FRMD4B: variants seen among roughly 807,000 people sequenced by gnomAD.
The protein encoded by FRMD4B is FERM domain containing 4B, also known as FERM domain-containing protein 4B.
Under a neutral mutation model 141.5 loss-of-function variants are expected in FRMD4B, and 74 were observed. That is an observed-to-expected ratio of 0.52 (90% confidence interval 0.43 to 0.63). The LOEUF (loss-of-function observed/expected upper bound fraction) is 0.63. FRMD4B is among the 30% of genes least tolerant of loss of function. The pLI is 0.00. For missense variants in FRMD4B, 1,366 were observed against 1,253.4 expected (o/e 1.09, Z -1.36); for synonymous variants, 506 against 467.9 (o/e 1.08, Z -1.05).
chr3:69,470,475 G>C (rs1705868736), intron 1 of FRMD4B, among the ~76,000 whole-genome samples: 1 of 151,868 alleles, frequency 6.6e-6, no homozygotes, highest in South Asian at 2.1e-4. Context: ...GGTGGTCTTT[G>C]GTATGTCCAA....
Position 69,487,085 on chromosome 3 carries a change from C to A in FRMD4B, c.-128-54324G>T, listed in dbSNP as rs1016515520. Among the ~76,000 whole-genome samples the A allele has an allele frequency of 3.3e-5, 5 of 152,124 alleles. No homozygotes were observed. The East Asian group carries it at 9.6e-4, about 29-fold the overall frequency. On this transcript the variant is annotated intron_variant, in intron 1 of 5. Transcript: ENST00000459638. Reference sequence around the variant, plus strand: ...CTATAACCAGATATACTCTTACACCCAAACCTTGATGTGATTTCTGAACAA... The same window carrying A: ...CTATAACCAGATATACTCTTACACCAAAACCTTGATGTGATTTCTGAACAA...
At chr3:69,224,846 A>G (rs1432220859) in intron 7 of FRMD4B, among the ~76,000 whole-genome samples, 156 bp from the exon 8 acceptor site, 2 of 152,246 alleles carry the variant, frequency 1.3e-5, no homozygotes, top group Non-Finnish European at 2.9e-5. Flanking sequence ...CAGCCCCCAA[A>G]TTTAACAACT....
intron 19 of FRMD4B, among the ~76,000 whole-genome samples, chr3:69,185,516 A>T (rs1341106658): frequency 6.6e-6 from 1 of 152,072 alleles, no homozygotes; most frequent in Non-Finnish European, 1.5e-5. Flanking sequence ...ATGTTCACTG[A>T]AATCAGATCA....
intron 1 of FRMD4B, among the ~76,000 whole-genome samples, chr3:69,355,065 G>C (rs1703273692): frequency 6.6e-6 from 1 of 151,628 alleles, no homozygotes; most frequent in Non-Finnish European, 1.5e-5. Flanking sequence ...TCCCAGAAAA[G>C]CATCATATAT....
chr3:69,364,992 C>T (rs901097958), intron 1 of FRMD4B, among the ~76,000 whole-genome samples: 55 of 151,882 alleles, frequency 3.6e-4, no homozygotes, highest in Middle Eastern at 3.2e-3. Flanking sequence ...AGGAGGAAAC[C>T]ACAATATGAA....
At chr3:69,450,647 G>A (rs1705481137) in intron 1 of FRMD4B, among the ~76,000 whole-genome samples, 1 of 152,132 alleles carries the variant, frequency 6.6e-6, no homozygotes, top group Non-Finnish European at 1.5e-5. Context: ...CCAGTTACTC[G>A]GGAGGCTGAG....
chr3:69,391,231 ATTAT>A (rs979209587), intron 2 of FRMD4B, among the ~76,000 whole-genome samples: 116 of 148,642 alleles, frequency 7.8e-4, no homozygotes, highest in African/African-American at 2.6e-3. Context: ...TCATTTATTT[ATTAT>A]TTATTTATTT....
chr3:69,345,763 C>G (rs1454899067), intron 1 of FRMD4B, among the ~76,000 whole-genome samples: 1 of 152,204 alleles, frequency 6.6e-6, no homozygotes, highest in Non-Finnish European at 1.5e-5. Flanking sequence ...AGACCTGCAG[C>G]TGAGGGTCCT....
Position 69,172,034 on chromosome 3 carries a change from C to T in FRMD4B, c.2985-53G>A. 5 of 1,573,680 alleles carry T rather than the reference C, an allele frequency of 3.2e-6. No individual in the cohort carries two copies. The South Asian group carries it at 5.6e-5, about 18-fold the overall frequency. ...ACTTGTGGCCATATTTTTGTCCCCA[C>T]AGCACAAAGACTACTACATTTAAAG... On this transcript the variant is annotated intron_variant, in intron 22 of 22. Transcript: ENST00000398540.
At chr3:69,207,409 C>A (rs544445200) in intron 11 of FRMD4B, among the ~76,000 whole-genome samples, 1 of 151,696 alleles carries the variant, frequency 6.6e-6, no homozygotes, top group East Asian at 1.9e-4. Flanking sequence ...AATTGCTTTT[C>A]TCTGCATTCA....
chr3:69,446,407 AC>A (rs965478124), intron 1 of FRMD4B, among the ~76,000 whole-genome samples: 17 of 151,654 alleles, frequency 1.1e-4, no homozygotes, highest in African/African-American at 4.1e-4. Context: ...ATCTCAGCTC[AC>A]TGCAACCTCT....
intron 2 of FRMD4B, among the ~76,000 whole-genome samples, chr3:69,312,456 C>A (rs938988235): frequency 6.6e-6 from 1 of 152,186 alleles, no homozygotes; most frequent in Non-Finnish European, 1.5e-5. Context: ...TAGGGACAGG[C>A]CTCAGAAGAG....
At chr3:69,336,110 G>GT (rs1702543400) in intron 1 of FRMD4B, among the ~76,000 whole-genome samples, 1 of 151,930 alleles carries the variant, frequency 6.6e-6, no homozygotes, top group Non-Finnish European at 1.5e-5. Flanking sequence ...TCCCTTGGGG[G>GT]GTGAAGTCAC....
At chr3:69,226,152 C>T (rs189587470) in intron 7 of FRMD4B, among the ~76,000 whole-genome samples, 112 of 152,274 alleles carry the variant, frequency 7.4e-4, no homozygotes, top group African/African-American at 1.9e-3. Context: ...TGTGGCCTTT[C>T]CTACAGGTGA....
intron 10 of FRMD4B, among the ~76,000 whole-genome samples, chr3:69,216,598 T>A (rs4422317): frequency 0.69 from 104,829 of 151,616 alleles, 38,274 homozygotes; most frequent in Admixed American, 0.8. Flanking sequence ...GCCTGGCTAA[T>A]TTTTTTGTAT....
chr3:69,232,983 C>T (rs1383752189), intron 7 of FRMD4B, among the ~76,000 whole-genome samples: 8 of 147,274 alleles, frequency 5.4e-5, no homozygotes, highest in African/African-American at 1.8e-4. Flanking sequence ...AACCCTTGGG[C>T]TCAAGTGATC....
chr3:69,362,992 TAAAA>T (rs11305538), intron 1 of FRMD4B, among the ~76,000 whole-genome samples: 1 of 150,024 alleles, frequency 6.7e-6, no homozygotes. Flanking sequence ...CTTTTTACAG[TAAAA>T]AAAAAAAAAA....
In FRMD4B at chr3:69,534,603, G is replaced by C. The variant is rs538740259; in HGVS notation, c.-129+7603C>G. Among the ~76,000 whole-genome samples, 528 of 152,272 alleles carry C rather than the reference G, an allele frequency of 3.5e-3. 4 individuals are homozygous for C. Among genetic ancestry groups the C allele is most frequent in the Middle Eastern group, 0.014 (4 of 294 alleles). On this transcript the variant is annotated intron_variant, in intron 1 of 5. Transcript: ENST00000459638. ...GATGGTTGTGGGAGGCTGAAAACCTGGGTTCTAGCCCTGCACCATCCCTTA... is the reference window on the plus strand; with the variant it reads ...GATGGTTGTGGGAGGCTGAAAACCTCGGTTCTAGCCCTGCACCATCCCTTA...
intron 1 of FRMD4B, among the ~76,000 whole-genome samples, chr3:69,435,880 T>C (rs373905104): frequency 3.9e-5 from 6 of 152,298 alleles, no homozygotes; most frequent in African/African-American, 1.2e-4. Flanking sequence ...TCATCATGAA[T>C]ATAGCCAGTT....
Sources: gnomAD v4.1 joint callset for allele counts (sites outside exome capture counted in the v4.1 genomes callset) on GRCh38, gnomAD v4.1.1 for gene constraint, MANE v1.5 for transcripts, NCBI Gene and HGNC (gene_info 2026-07-23, HGNC 2026-07-21) for gene names.